Variants in TAFA1 observed in about 807,000 individuals in gnomAD.
TAFA1 encodes the protein TAFA chemokine like family member 1, also known as chemokine-like protein TAFA-1.
Under a neutral mutation model 18.5 loss-of-function variants are expected in TAFA1, and 4 were observed. That is an observed-to-expected ratio of 0.22 (90% CI 0.11 to 0.49). The LOEUF is 0.49. Among genes scored for constraint, TAFA1 ranks in the 20% least tolerant of loss-of-function variants. The pLI is 0.98. For missense variants in TAFA1, 147 were observed against 169.0 expected, an observed-to-expected ratio of 0.87 and a Z score of 0.72; for synonymous variants, 56 against 55.2, an observed-to-expected ratio of 1.01 and a Z score of -0.06.
At position 68,251,594 on chromosome 3, in the gene TAFA1, C is replaced by T. The variant is rs565362855; in HGVS notation, c.119-165686C>T. On this transcript the variant is annotated intron_variant, in intron 2 of 4. Transcript: ENST00000478136. ...GAAGAGGGGAAGGAGGAGGAGACAT[C>T]AGGGAGATGACATTTAAGCAGAGAC... Among the ~76,000 whole-genome samples the T allele has an allele frequency of 3.3e-5, 5 of 152,176 alleles. No individual in the cohort carries two copies. The East Asian group carries it at 7.7e-4, about 24-fold the overall frequency.
At chr3:68,517,301 T>G (rs1435041758) in intron 3 of TAFA1, among the ~76,000 whole-genome samples, 2 of 152,360 alleles carry the variant, frequency 1.3e-5, no homozygotes, top group East Asian at 3.9e-4. Context: ...AATACCAGTT[T>G]TCCACTTATA....
At chr3:68,145,366 C>T in intron 2 of TAFA1, 2 of 817,988 alleles carry the variant, frequency 2.4e-6, no homozygotes, top group East Asian at 4.8e-5. Context: ...TTGCCCTGGT[C>T]TCTCAAGCAT....
At chr3:68,113,753 C>T (rs888187739) in intron 2 of TAFA1, among the ~76,000 whole-genome samples, 3 of 151,972 alleles carry the variant, frequency 2.0e-5, no homozygotes, top group Non-Finnish European at 4.4e-5. Flanking sequence ...CAGTAGTGGC[C>T]CTGGCCATTC....
intron 2 of TAFA1, among the ~76,000 whole-genome samples, chr3:68,322,996 A>G (rs1305144292): frequency 6.6e-6 from 1 of 151,998 alleles, no homozygotes; most frequent in East Asian, 2.0e-4. Flanking sequence ...ACAGCACACA[A>G]TATCCCTACC....
the TAFA1 span, among the ~76,000 whole-genome samples, chr3:67,997,044 C>T: frequency 6.6e-6 from 1 of 151,844 alleles, no homozygotes; most frequent in African/African-American, 2.4e-5. Context: ...CATCAAGAAC[C>T]TAATCTGGAA....
chr3:68,012,832 A>G (rs763318776), intron 2 of TAFA1, among the ~76,000 whole-genome samples: 1 of 152,140 alleles, frequency 6.6e-6, no homozygotes, highest in Non-Finnish European at 1.5e-5. Context: ...TTAATCCAGT[A>G]AAATGTCTAG....
chr3:68,197,344 T>C (rs2066422196), intron 2 of TAFA1, among the ~76,000 whole-genome samples: 1 of 151,552 alleles, frequency 6.6e-6, no homozygotes, highest in African/African-American at 2.4e-5. Context: ...GAGAAATAAG[T>C]GGGTATGGTA....
At chr3:68,212,167 G>A (rs1357588231) in intron 2 of TAFA1, among the ~76,000 whole-genome samples, 2 of 151,664 alleles carry the variant, frequency 1.3e-5, no homozygotes, top group Admixed American at 6.6e-5. Flanking sequence ...ATATGAAGAC[G>A]GGAAGCTGCT....
At chr3:68,437,156 G>T (rs75803089) in intron 3 of TAFA1, among the ~76,000 whole-genome samples, 1 of 152,146 alleles carries the variant, frequency 6.6e-6, no homozygotes, top group Non-Finnish European at 1.5e-5. Flanking sequence ...CCAATGCATC[G>T]CAAGTTTGGC....
chr3:68,203,115 C>T (rs2066486790), intron 2 of TAFA1, among the ~76,000 whole-genome samples: 1 of 151,684 alleles, frequency 6.6e-6, no homozygotes, highest in Middle Eastern at 3.2e-3. Context: ...TCAAATATTT[C>T]ATTTCTCTCT....
At chr3:68,497,877 G>A (rs2072576431) in intron 3 of TAFA1, among the ~76,000 whole-genome samples, 1 of 152,146 alleles carries the variant, frequency 6.6e-6, no homozygotes, top group Admixed American at 6.6e-5. Flanking sequence ...TTGCCCTTGG[G>A]AGTGATGGCA....
At chr3:68,497,711 G>T (rs1164081465) in intron 3 of TAFA1, among the ~76,000 whole-genome samples, 1 of 152,170 alleles carries the variant, frequency 6.6e-6, no homozygotes, top group African/African-American at 2.4e-5. Context: ...ATCAGAGGAG[G>T]ATCCTGACTT....
At chr3:67,996,403 C>G in the TAFA1 span, among the ~76,000 whole-genome samples, 2 of 152,108 alleles carry the variant, frequency 1.3e-5, no homozygotes, top group Non-Finnish European at 1.5e-5. Flanking sequence ...GAAAGTATCT[C>G]TGAAATCAGG....
At chr3:68,050,991 C>A (rs1456690623) in intron 2 of TAFA1, among the ~76,000 whole-genome samples, 1 of 152,174 alleles carries the variant, frequency 6.6e-6, no homozygotes, top group Non-Finnish European at 1.5e-5. Flanking sequence ...TACTTCTCAG[C>A]ACACATACTA....
At chr3:68,433,730 C>T (rs1195092898) in intron 3 of TAFA1, among the ~76,000 whole-genome samples, 1 of 152,058 alleles carries the variant, frequency 6.6e-6, no homozygotes, top group East Asian at 1.9e-4. Context: ...AATCTGAAAA[C>T]AGGAATTACA....
At chr3:68,122,144 A>G (rs758350395) in intron 2 of TAFA1, among the ~76,000 whole-genome samples, 1 of 151,940 alleles carries the variant, frequency 6.6e-6, no homozygotes, top group Admixed American at 6.6e-5. Context: ...CAAGAGTCAA[A>G]TTTTCATGAT....
At chr3:68,403,787 C>G (rs2070541801) in intron 2 of TAFA1, among the ~76,000 whole-genome samples, 1 of 152,194 alleles carries the variant, frequency 6.6e-6, no homozygotes, top group African/African-American at 2.4e-5. Flanking sequence ...ATACCACTGG[C>G]TGCCACACCA....
chr3:68,494,226 C>G (rs1050265357), intron 3 of TAFA1, among the ~76,000 whole-genome samples: 1 of 152,144 alleles, frequency 6.6e-6, no homozygotes, highest in Non-Finnish European at 1.5e-5. Flanking sequence ...CTCAGCCTCC[C>G]GAGTAGCTGG....
rs1420920672 is a variant in TAFA1 at position 68,544,734 on chromosome 3, A to G, written c.*231A>G. 2.4e-6 allele frequency: 1 copy of G among 416,758 alleles called. No homozygotes were observed. Among genetic ancestry groups the G allele is most frequent in the Non-Finnish European group, 4.3e-6 (1 of 233,102 alleles). 25.8% of individuals were successfully genotyped at this position (416,758 alleles called of 1,614,324 possible). On this transcript the variant is annotated 3_prime_UTR_variant, in exon 5 of 5. Transcript: ENST00000478136. ...CTTAAAAAAGGGTTTTCTCAGTGAA[A>G]TTTTTGGGCATCATGAAGAACGATC...
Sources: allele counts gnomAD v4.1 joint callset (sites outside exome capture counted in the v4.1 genomes callset), GRCh38; gene constraint gnomAD v4.1.1; transcripts MANE v1.5; gene names NCBI Gene and HGNC (gene_info 2026-07-23, HGNC 2026-07-21).